SGCZ: variants seen among roughly 807,000 people sequenced by gnomAD.
The protein encoded by SGCZ is zeta-sarcoglycan.
SGCZ carries 40 observed loss-of-function variants against 41.3 expected under a neutral mutation model. The observed-to-expected ratio is 0.97, with a 90% CI of 0.75 to 1.26. The LOEUF is 1.26. SGCZ is among the 50% of genes most tolerant of loss of function. The pLI, the probability that SGCZ is intolerant of heterozygous loss-of-function variation, is 0.00. For missense variants in SGCZ, 552 were observed against 369.8 expected (o/e 1.49, Z -4.04); for synonymous variants, 206 against 137.5 (o/e 1.50, Z -3.49).
At chr8:14,251,344 C>T (rs1169364252) in intron 3 of SGCZ, among the ~76,000 whole-genome samples, 1 of 152,178 alleles carries the variant, frequency 6.6e-6, no homozygotes, top group East Asian at 1.9e-4. Flanking sequence ...TCAGAGCAGG[C>T]ACCGGCCAAC....
rs560441286 is a variant in SGCZ, at chr8:14,265,752, G to GA, written c.337-28074dup. Among the ~76,000 whole-genome samples, 173 of 136,626 alleles carry GA rather than the reference G, an allele frequency of 1.3e-3. 1 individual carries two copies. Among genetic ancestry groups the GA allele is most frequent in the Middle Eastern group, 3.9e-3 (1 of 258 alleles). 89.6% of individuals were successfully genotyped at this position (136,626 alleles called of 152,430 possible). A position where few individuals can be genotyped will look rare whatever the true frequency, so the allele number is the denominator to read the frequency against. On this transcript the variant is annotated intron_variant, in intron 3 of 7. Coordinates refer to ENST00000382080, the MANE Select transcript of SGCZ (RefSeq NM_139167.4). ...GACAATTCAGCAATTTATTTAAAAA[G>GA]AAAAAAAAAACTTAACAGAGAGAAT... is the stretch of plus-strand genomic sequence containing the variant.
chr8:14,803,537 GCAC>G (rs1028032140), intron 1 of SGCZ, among the ~76,000 whole-genome samples: 56 of 151,644 alleles, frequency 3.7e-4, no homozygotes, highest in African/African-American at 1.4e-3. Context: ...AAAAAACGGC[GCAC>G]CACGAGATTA....
At chr8:15,152,966 T>C (rs1308532620) in intron 1 of SGCZ, among the ~76,000 whole-genome samples, 1 of 152,178 alleles carries the variant, frequency 6.6e-6, no homozygotes, top group East Asian at 1.9e-4. Context: ...TGACCCGCTT[T>C]GGACTCTCCA....
At chr8:14,612,712 A>G (rs765127424) in intron 1 of SGCZ, among the ~76,000 whole-genome samples, 1 of 151,622 alleles carries the variant, frequency 6.6e-6, no homozygotes, top group Non-Finnish European at 1.5e-5. Context: ...TTTTTAAAAG[A>G]CTCTCACTCT....
intron 2 of SGCZ, among the ~76,000 whole-genome samples, chr8:14,495,002 C>T (rs1194070411): frequency 6.6e-6 from 1 of 152,132 alleles, no homozygotes; most frequent in Non-Finnish European, 1.5e-5. Context: ...AACCTTATAT[C>T]CATGTGTTTG....
intron 1 of SGCZ, among the ~76,000 whole-genome samples, chr8:15,109,551 A>G (rs1003414665): frequency 1.3e-5 from 2 of 152,196 alleles, no homozygotes; most frequent in African/African-American, 4.8e-5. Flanking sequence ...GAATAACATT[A>G]CAGGATGTCT....
intron 1 of SGCZ, among the ~76,000 whole-genome samples, chr8:14,950,766 G>C (rs573229108): frequency 9.2e-5 from 14 of 152,004 alleles, no homozygotes; most frequent in Middle Eastern, 6.8e-3. Flanking sequence ...ATGAGGATAC[G>C]TAGTCTAAAA....
chr8:15,065,415 AATTATTATTATTATTATTATTATT>A, intron 1 of SGCZ, among the ~76,000 whole-genome samples: 1 of 137,472 alleles, frequency 7.3e-6, no homozygotes, highest in African/African-American at 2.7e-5. Flanking sequence ...ATGGTATTGT[AATTATTATTATTATTATTATTATT>A]ATTATTATTA....
chr8:14,806,649 G>A (rs1801540023), intron 1 of SGCZ, among the ~76,000 whole-genome samples: 1 of 151,862 alleles, frequency 6.6e-6, no homozygotes, highest in African/African-American at 2.4e-5. Flanking sequence ...TTCTACCAGA[G>A]GTACAAGGAG....
intron 1 of SGCZ, among the ~76,000 whole-genome samples, chr8:14,744,420 T>C (rs367629262): frequency 2.2e-4 from 34 of 152,260 alleles, no homozygotes; most frequent in Admixed American, 1.1e-3. Flanking sequence ...CTTCTATCCA[T>C]AGGGCTTGGT....
At chr8:14,981,844 T>G (rs1801672118) in intron 1 of SGCZ, among the ~76,000 whole-genome samples, 1 of 152,108 alleles carries the variant, frequency 6.6e-6, no homozygotes, top group Non-Finnish European at 1.5e-5. Flanking sequence ...TACTCAAACA[T>G]CATTTCAAAA....
chr8:14,457,425 G>A (rs1436666116), intron 2 of SGCZ, among the ~76,000 whole-genome samples: 1 of 152,190 alleles, frequency 6.6e-6, no homozygotes, highest in Non-Finnish European at 1.5e-5. Context: ...TTAGCAGACC[G>A]GGAAAAGAGG....
At chr8:14,475,004 T>C (rs1306583458) in intron 2 of SGCZ, among the ~76,000 whole-genome samples, 1 of 152,178 alleles carries the variant, frequency 6.6e-6, no homozygotes, top group Non-Finnish European at 1.5e-5. Flanking sequence ...ATACATATTT[T>C]TTCTTCTCCA....
At chr8:14,258,863 C>A (rs925822866) in intron 3 of SGCZ, among the ~76,000 whole-genome samples, 5 of 152,136 alleles carry the variant, frequency 3.3e-5, no homozygotes, top group Non-Finnish European at 7.4e-5. Context: ...AGAACATGCC[C>A]TTGCCTTCTT....
At chr8:15,017,492 T>A (rs1457235409) in intron 1 of SGCZ, among the ~76,000 whole-genome samples, 2 of 152,172 alleles carry the variant, frequency 1.3e-5, no homozygotes, top group Non-Finnish European at 2.9e-5. Flanking sequence ...AGGTCCAAAC[T>A]GATATTAGCA....
At chr8:14,427,729 C>A (rs543147164) in intron 2 of SGCZ, among the ~76,000 whole-genome samples, 1 of 152,034 alleles carries the variant, frequency 6.6e-6, no homozygotes, top group Non-Finnish European at 1.5e-5. Flanking sequence ...TCACAAGGAC[C>A]AAACAAAAAG....
intron 1 of SGCZ, among the ~76,000 whole-genome samples, chr8:15,015,948 C>T (rs1244788281): frequency 6.6e-6 from 1 of 151,934 alleles, no homozygotes; most frequent in Non-Finnish European, 1.5e-5. Context: ...ATTTTCCTGA[C>T]ATGTATGGAC....
intron 1 of SGCZ, among the ~76,000 whole-genome samples, chr8:14,684,035 G>C (rs1808529418): frequency 6.6e-6 from 1 of 152,028 alleles, no homozygotes; most frequent in African/African-American, 2.4e-5. Flanking sequence ...TATAAAAGTG[G>C]TTTATGGTAT....
At chr8:14,327,353 A>G (rs1387740770) in intron 2 of SGCZ, among the ~76,000 whole-genome samples, 2 of 152,208 alleles carry the variant, frequency 1.3e-5, no homozygotes, top group African/African-American at 2.4e-5. Context: ...ATGGGGCTTT[A>G]AAACACTATT....
Sources: allele counts gnomAD v4.1 joint callset (sites outside exome capture counted in the v4.1 genomes callset), GRCh38; gene constraint gnomAD v4.1.1; transcripts MANE v1.5; gene names NCBI Gene and HGNC (gene_info 2026-07-23, HGNC 2026-07-21).